The following WASF2 variants were observed in gnomAD, a reference collection of about 807,000 sequenced individuals.
The protein encoded by WASF2 is actin-binding protein WASF2.
Under a neutral mutation model 45.0 loss-of-function variants are expected in WASF2, and 14 were observed. The observed-to-expected ratio is 0.31, with a 90% CI of 0.21 to 0.49. The LOEUF (loss-of-function observed/expected upper bound fraction) is 0.49, where lower values mean the gene tolerates loss of function less well. Ranked by LOEUF, WASF2 falls within the 20% of genes least tolerant of loss-of-function variation. The pLI is 0.99. For missense variants in WASF2, 439 were observed against 636.1 expected, an observed-to-expected ratio of 0.69 and a Z score of 3.33; for synonymous variants, 200 against 236.3, an observed-to-expected ratio of 0.85 and a Z score of 1.41.
chr1:27,438,203 C>T (rs2148117024), intron 1 of WASF2, among the ~76,000 whole-genome samples: 1 of 152,256 alleles, frequency 6.6e-6, no homozygotes, highest in East Asian at 1.9e-4. Flanking sequence ...AGGGTCTAAC[C>T]CCATTTTACT....
intron 1 of WASF2, among the ~76,000 whole-genome samples, chr1:27,467,266 A>G (rs2148135034): frequency 6.7e-6 from 1 of 150,318 alleles, no homozygotes; most frequent in East Asian, 1.9e-4. Flanking sequence ...AAAGAAAAAA[A>G]TAATAGTTTG....
chr1:27,460,529 CCAT>C (rs546771485), intron 1 of WASF2, among the ~76,000 whole-genome samples: 31 of 152,272 alleles, frequency 2.0e-4, no homozygotes, highest in Non-Finnish European at 4.6e-4. Context: ...TTCAGGGTGT[CCAT>C]TCACCTTGGT....
chr1:27,458,032 G>A (rs1009783495), intron 1 of WASF2, among the ~76,000 whole-genome samples: 1 of 151,960 alleles, frequency 6.6e-6, no homozygotes, highest in Non-Finnish European at 1.5e-5. Context: ...TTTGTTGGCT[G>A]GGCGCGGTGG....
intron 1 of WASF2, among the ~76,000 whole-genome samples, chr1:27,433,184 T>C (rs950371649): frequency 1.3e-5 from 2 of 152,238 alleles, no homozygotes; most frequent in Admixed American, 6.5e-5. Context: ...GGCAGGTTTT[T>C]CCTGGAGGCT....
At position 27,408,421 on chromosome 1, in the gene WASF2, G is replaced by C. The variant is rs577882970; in HGVS notation, c.1340-75C>G. 100 of 1,576,366 alleles carry C rather than the reference G, an allele frequency of 6.3e-5. 1 individual carries two copies. In the South Asian group the frequency reaches 1.0e-3, roughly 16 times the overall value. ...AATCCATCTGGAACTGGGTAAGAGG[G>C]AGTGGCCACCAATGGGTAAGTGGTA... On this transcript the variant is annotated intron_variant, in intron 8 of 8. Coordinates refer to ENST00000618852, the MANE Select transcript of WASF2 (RefSeq NM_006990.5).
In WASF2 at chr1:27,404,429, A is replaced by C. The variant is rs530233329; in HGVS notation, c.*3760T>G. ...TGGATGTCTTTCTGAGGGTCTGAGA[A>C]GAATAGGGCAGAAGAGGAAAGGGTC... On this transcript the variant is annotated 3_prime_UTR_variant, in exon 9 of 9. Transcript: ENST00000618852. The C allele has an allele frequency of 6.6e-6, 1 of 152,300 alleles. No individual in the cohort carries two copies. The highest frequency in any genetic ancestry group is 1.9e-4 in the East Asian group (1 of 5,170). 9.4% of individuals were successfully genotyped at this position (152,300 alleles called of 1,614,324 possible). A position where few individuals can be genotyped will look rare whatever the true frequency, so the allele number is the denominator to read the frequency against.
intron 1 of WASF2, among the ~76,000 whole-genome samples, chr1:27,453,658 C>G (rs9438564): frequency 0.026 from 3,886 of 149,044 alleles, 65 homozygotes; most frequent in Non-Finnish European, 0.041. Flanking sequence ...TTTGGGAGGC[C>G]AAGGCAGAAG....
chr1:27,412,718 G>A lies in WASF2; in HGVS notation c.678C>T (p.Pro226=), dbSNP rs762276737. ...TGCTGCCATTCTGGTACACCAAAGT[G>A]GGTGGATACCTGACAATGAACCGAA... is the stretch of plus-strand genomic sequence containing the variant. The part of the protein sequence containing the change: ...KEKLGTSGYP[P]TLVYQNGSIG... The change falls in exon 7 of 9, where the codon CCC becomes CCT. Residue 226 remains proline (P), a synonymous_variant. Coordinates refer to ENST00000618852, the MANE Select transcript of WASF2 (RefSeq NM_006990.5). The A allele has an allele frequency of 5.0e-6, 8 of 1,614,194 alleles. No homozygotes were observed. Among genetic ancestry groups the A allele is most frequent in the Middle Eastern group, 3.3e-4 (2 of 6,062 alleles).
Position 27,429,189 on chromosome 1 carries a change from T to C in WASF2, c.-43-256A>G, listed in dbSNP as rs531293803. Among the ~76,000 whole-genome samples, 234 of 151,978 alleles carry C rather than the reference T, an allele frequency of 1.5e-3. 1 individual carries two copies. Among genetic ancestry groups the C allele is most frequent in the African/African-American group, 5.1e-3 (210 of 41,438 alleles). On this transcript the variant is annotated intron_variant, in intron 1 of 8. Transcript: ENST00000618852. Reference sequence around the variant, plus strand: ...CTTGGTGACTGCTGCCTGAGGTACATAGGCAGCATAGAAACATTAAAGTGC... The same window carrying C: ...CTTGGTGACTGCTGCCTGAGGTACACAGGCAGCATAGAAACATTAAAGTGC...
rs1243444593 is a variant in WASF2 at position 27,410,086 on chromosome 1, C to A, written c.945G>T (p.Gly315=). The change falls in exon 8 of 9, where the codon GGG becomes GGT. Residue 315 remains glycine, a synonymous_variant. Transcript: ENST00000618852. This position sits in a 1 kb window ranked among gnomAD's most constrained non-coding sequence, Gnocchi z 4.2. ...PLGSPPGPKP[G]FAPPPAPPPP... The stretch of plus-strand genomic sequence containing the variant: ...GCGGAGGGGCAGGTGGTGGAGCAAA[C>A]CCGGGTTTAGGGCCTGGTGGAGAGC... 1.2e-6 allele frequency: 2 copies of A among 1,613,214 alleles called. No individual in the cohort carries two copies. Among genetic ancestry groups the A allele is most frequent in the South Asian group, 1.1e-5 (1 of 90,972 alleles).
rs2017789177 is a variant in WASF2, at chr1:27,477,908, A to AAT, written c.-44+12077_-44+12078insAT. Among the ~76,000 whole-genome samples the AAT allele has an allele frequency of 6.0e-5, 6 of 100,334 alleles. 2 individuals carry two copies. The South Asian group carries it at 1.6e-3, about 26-fold the overall frequency. 65.8% of individuals were successfully genotyped at this position (100,334 alleles called of 152,430 possible). On this transcript the variant is annotated intron_variant, in intron 1 of 8. Coordinates refer to ENST00000618852, the MANE Select transcript of WASF2 (RefSeq NM_006990.5). The stretch of plus-strand genomic sequence containing the variant: ...AGCGAGACTCCGTCTCAAAAAAAAA[A>AAT]AATAAATAAATAAAAAAAAAAATAA...
At chr1:27,446,382 T>C (rs555055719) in intron 1 of WASF2, among the ~76,000 whole-genome samples, 1 of 152,332 alleles carries the variant, frequency 6.6e-6, no homozygotes, top group African/African-American at 2.4e-5. Flanking sequence ...CTATAAATCA[T>C]GTTAAAGGGT....
intron 1 of WASF2, among the ~76,000 whole-genome samples, chr1:27,484,892 G>A (rs1228952814): frequency 6.6e-6 from 1 of 151,976 alleles, no homozygotes; most frequent in Non-Finnish European, 1.5e-5. Flanking sequence ...GCTAATGCCT[G>A]TAATCCCAGC....
intron 2 of WASF2, among the ~76,000 whole-genome samples, chr1:27,421,155 A>C (rs2016903545): frequency 6.6e-6 from 1 of 152,230 alleles, no homozygotes; most frequent in African/African-American, 2.4e-5. Context: ...TGTGACCTAA[A>C]CAACTATGGG....
chr1:27,420,029 C>T (rs952988999), intron 2 of WASF2, among the ~76,000 whole-genome samples: 10 of 152,040 alleles, frequency 6.6e-5, no homozygotes, highest in African/African-American at 9.7e-5. Context: ...ATTAGCCTCC[C>T]GAGTAACTGG....
chr1:27,473,527 G>A (rs1448381127), intron 1 of WASF2, among the ~76,000 whole-genome samples: 5 of 150,972 alleles, frequency 3.3e-5, no homozygotes, highest in Admixed American at 3.3e-4. Flanking sequence ...TAACAGAGGA[G>A]GAAAGAGGGG....
intron 1 of WASF2, among the ~76,000 whole-genome samples, chr1:27,464,259 T>C (rs1319797724): frequency 1.3e-5 from 2 of 151,812 alleles, no homozygotes; most frequent in Non-Finnish European, 2.9e-5. Flanking sequence ...TGGGTGCCTG[T>C]AATCCCAGCT....
At chr1:27,430,506 A>G (rs893838150) in intron 1 of WASF2, among the ~76,000 whole-genome samples, 6 of 152,142 alleles carry the variant, frequency 3.9e-5, no homozygotes, top group Non-Finnish European at 7.4e-5. Flanking sequence ...GATTACAGGC[A>G]TGCACCACCA....
At chr1:27,416,910 G>A (rs1446608942) in intron 4 of WASF2, among the ~76,000 whole-genome samples, 1 of 152,174 alleles carries the variant, frequency 6.6e-6, no homozygotes, top group Non-Finnish European at 1.5e-5. Context: ...GATGTGCTTA[G>A]GAGTGAACAT....
Sources: gnomAD v4.1 joint callset for allele counts (sites outside exome capture counted in the v4.1 genomes callset) on GRCh38, gnomAD v4.1.1 for gene constraint, Gnocchi (gnomAD v3.1) non-coding constraint, MANE v1.5 for transcripts, NCBI Gene and HGNC (gene_info 2026-07-23, HGNC 2026-07-21) for gene names.